The following RUSC2 variants were observed in gnomAD, a reference collection of about 807,000 sequenced individuals.
The protein encoded by RUSC2 is RUN and SH3 domain containing 2.
Under a neutral mutation model 122.2 loss-of-function variants are expected in RUSC2, and 34 were observed. The observed-to-expected ratio is 0.28, with a 90% CI of 0.21 to 0.37. RUSC2 has a LOEUF of 0.37. Among genes scored for constraint, RUSC2 ranks in the 10% least tolerant of loss-of-function variants. The pLI is 1.00. For synonymous variants in RUSC2, 784 were observed against 790.0 expected (o/e 0.99, Z 0.13); for missense variants, 1,747 against 1,952.4 (o/e 0.89, Z 1.98).
intron 1 of RUSC2, among the ~76,000 whole-genome samples, chr9:35,519,775 G>A (rs1215329670): frequency 1.3e-5 from 2 of 152,156 alleles, no homozygotes; most frequent in East Asian, 3.8e-4. Context: ...CCTACCATGT[G>A]TTGGGTACTT....
intron 5 of RUSC2, among the ~76,000 whole-genome samples, chr9:35,556,891 G>A (rs1482883820): frequency 6.6e-6 from 1 of 152,222 alleles, no homozygotes; most frequent in Non-Finnish European, 1.5e-5. Context: ...AGGCTCTGGG[G>A]CCAGAGGAGG....
At chr9:35,505,090 CTTTAG>C (rs1437559521) in intron 1 of RUSC2, among the ~76,000 whole-genome samples, 1 of 152,114 alleles carries the variant, frequency 6.6e-6, no homozygotes, top group Non-Finnish European at 1.5e-5. Flanking sequence ...AAATCTTAGT[CTTTAG>C]TTATTCACAC....
chr9:35,515,999 C>CAAAAA (rs544797957), intron 1 of RUSC2, among the ~76,000 whole-genome samples: 20 of 47,192 alleles, frequency 4.2e-4, no homozygotes, highest in East Asian at 4.2e-4. Context: ...ATTCTTGTCT[C>CAAAAA]AAAAAAAAAA....
rs757430814 is a variant in RUSC2 at position 35,548,347 on chromosome 9, T to G, written c.1826T>G (p.Leu609Arg). The G allele has an allele frequency of 3.1e-6, 5 of 1,613,882 alleles. No homozygotes were observed. The African/African-American group carries it at 5.3e-5, about 17-fold the overall frequency. ...CCTTTGGGGCCAGGCATGGACCTAC[T>G]TGGCCCAGACCCAAGTCCACCCTGG... ...PMPLGPGMDL[L>R]GPDPSPPWST... The change falls in exon 2 of 12, where the codon CTT becomes CGT. Residue 609 changes from leucine (L) to arginine (R), a missense_variant. Physicochemically the swap from Leu to Arg is moderately radical, Grantham distance 102 (BLOSUM62 -2). Transcript: ENST00000361226. This position sits in a 1 kb window ranked among gnomAD's most constrained non-coding sequence, Gnocchi z 4.5.
At chr9:35,533,325 A>C (rs888890728) in intron 1 of RUSC2, among the ~76,000 whole-genome samples, 4 of 152,010 alleles carry the variant, frequency 2.6e-5, no homozygotes, top group Non-Finnish European at 1.5e-5. Flanking sequence ...ACATGCAGTG[A>C]TAGCCTCTGC....
chr9:35,536,336 G>A (rs983349052), intron 1 of RUSC2, among the ~76,000 whole-genome samples: 1 of 152,210 alleles, frequency 6.6e-6, no homozygotes, highest in Non-Finnish European at 1.5e-5. Flanking sequence ...TTCTGGCTCT[G>A]GGGTAATCAG....
chr9:35,558,132 C>T lies in RUSC2; in HGVS notation c.3061-65C>T. The T allele has an allele frequency of 1.3e-6, 2 of 1,592,688 alleles. No individual in the cohort carries two copies. The highest frequency in any genetic ancestry group is 1.9e-4 in the Middle Eastern group (1 of 5,232). ...GACGGCAAGAGGGGAACCATGAGGG[C>T]CTGCTACGAGAGGACCACAGTCAGG... On this transcript the variant is annotated intron_variant, in intron 6 of 11. Transcript: ENST00000361226. This position sits in a 1 kb window ranked among gnomAD's most constrained non-coding sequence, Gnocchi z 4.3.
At chr9:35,545,402 C>A (rs1404400468) in intron 1 of RUSC2, among the ~76,000 whole-genome samples, 1 of 152,222 alleles carries the variant, frequency 6.6e-6, no homozygotes, top group Non-Finnish European at 1.5e-5. Context: ...GAGACTAGAA[C>A]TTGAGCAGGC....
At chr9:35,554,862 C>T (rs528299077) in intron 2 of RUSC2, among the ~76,000 whole-genome samples, 198 bp from the exon 3 acceptor site, 2 of 152,210 alleles carry the variant, frequency 1.3e-5, no homozygotes, top group South Asian at 4.2e-4. Flanking sequence ...AGGTACAAGA[C>T]AGTCCAGCAC....
chr9:35,526,994 A>G (rs1254007899), intron 1 of RUSC2, among the ~76,000 whole-genome samples: 1 of 151,994 alleles, frequency 6.6e-6, no homozygotes, highest in African/African-American at 2.4e-5. Context: ...TTTTCATTCT[A>G]TCTTATCTCT....
Position 35,560,206 on chromosome 9 carries a change from A to G in RUSC2, c.3566A>G (p.Lys1189Arg). 4 of 1,605,216 alleles carry G rather than the reference A, an allele frequency of 2.5e-6. No homozygotes were observed. The highest frequency in any genetic ancestry group is 3.4e-6 in the Non-Finnish European group (4 of 1,179,570). ...LQSGQQQRQH[K>R]ELLRVSQDLL... The stretch of plus-strand genomic sequence containing the variant: ...AGTGGGCAGCAGCAGCGGCAGCACA[A>G]GGAACTGCTGCGGGTGTCCCAGGAC... Residue 1189 changes from lysine (K) to arginine (R), a missense_variant, in exon 10 of 12, where the codon AAG becomes AGG. By Grantham distance (26) the Lys-to-Arg change is conservative. Coordinates refer to ENST00000361226, the MANE Select transcript of RUSC2 (RefSeq NM_014806.5).
Position 35,544,977 on chromosome 9 carries a change from G to A in RUSC2, c.-92-1453G>A, listed in dbSNP as rs1181008377. ...AAAGGCTTGGAAGTTCAACAGAGGA[G>A]CCTGCCTTCCTCTCAGAAAGGGGAG... On this transcript the variant is annotated intron_variant, in intron 1 of 11. Transcript: ENST00000361226. Among the ~76,000 whole-genome samples, 3 of 152,130 alleles carry A rather than the reference G, an allele frequency of 2.0e-5. No individual in the cohort carries two copies. In the East Asian group the frequency reaches 5.8e-4, roughly 29 times the overall value.
chr9:35,514,341 C>T (rs946250695), intron 1 of RUSC2, among the ~76,000 whole-genome samples: 14 of 151,996 alleles, frequency 9.2e-5, no homozygotes, highest in African/African-American at 2.9e-4. Context: ...CAATCAGTAC[C>T]GAGCTGATCC....
chr9:35,542,814 TAG>T (rs1396634404), intron 1 of RUSC2, among the ~76,000 whole-genome samples: 8 of 152,246 alleles, frequency 5.3e-5, no homozygotes, highest in Non-Finnish European at 1.2e-4. Flanking sequence ...ATCTCTGATT[TAG>T]AGAGTCAGCT....
chr9:35,496,088 C>T (rs1338942719), intron 1 of RUSC2, among the ~76,000 whole-genome samples: 2 of 152,102 alleles, frequency 1.3e-5, no homozygotes, highest in Non-Finnish European at 2.9e-5. Context: ...CAGAGAAACT[C>T]TCGAGTCAGT....
chr9:35,498,098 C>G (rs1326041202), intron 1 of RUSC2, among the ~76,000 whole-genome samples: 1 of 151,272 alleles, frequency 6.6e-6, no homozygotes, highest in Non-Finnish European at 1.5e-5. Flanking sequence ...TTTGTGGCAT[C>G]TTTAGGGTGT....
rs1190509114 is a variant in RUSC2, at chr9:35,498,819, T to TGCAGA, written c.-93+8648_-93+8649insCAGAG. Among the ~76,000 whole-genome samples the TGCAGA allele has an allele frequency of 1.5e-3, 225 of 146,056 alleles. 1 individual carries two copies. The highest frequency in any genetic ancestry group is 2.5e-3 in the Non-Finnish European group (169 of 66,944). ...GAGGTTGCAGTGAGCCGAGATCGCC[T>TGCAGA]GGCGACAGAGTGAGACTACATCTCA... On this transcript the variant is annotated intron_variant, in intron 1 of 11. Coordinates refer to ENST00000361226, the MANE Select transcript of RUSC2 (RefSeq NM_014806.5).
intron 1 of RUSC2, among the ~76,000 whole-genome samples, chr9:35,498,019 C>T (rs557148146): frequency 1.3e-5 from 2 of 152,222 alleles, no homozygotes; most frequent in African/African-American, 4.8e-5. Context: ...TGATTTTGTA[C>T]CCTGCATCAT....
chr9:35,498,384 C>T (rs1820760061), intron 1 of RUSC2, among the ~76,000 whole-genome samples: 1 of 151,804 alleles, frequency 6.6e-6, no homozygotes, highest in Admixed American at 6.6e-5. Flanking sequence ...ATTAAAAATA[C>T]AAAAATTAGT....
Sources: allele counts gnomAD v4.1 joint callset (sites outside exome capture counted in the v4.1 genomes callset), GRCh38; gene constraint gnomAD v4.1.1; non-coding constraint Gnocchi (gnomAD v3.1); transcripts MANE v1.5; gene names NCBI Gene and HGNC (gene_info 2026-07-23, HGNC 2026-07-21).